LYPD5: variants seen among roughly 807,000 people sequenced by gnomAD.
LYPD5 encodes LY6/PLAUR domain containing 5, also known as ly6/PLAUR domain-containing protein 5.
In LYPD5, 21 loss-of-function variants were observed where a neutral mutation model predicts 19.1. That is an observed-to-expected ratio of 1.10 (90% CI 0.78 to 1.58). The LOEUF (loss-of-function observed/expected upper bound fraction) is 1.58, where lower values mean the gene tolerates loss of function less well. Among genes scored for constraint, LYPD5 ranks in the 40% most tolerant of loss-of-function variants. The pLI is 0.00. For missense variants in LYPD5, 287 were observed against 329.8 expected (o/e 0.87, Z 1.00); for synonymous variants, 128 against 142.7 (o/e 0.90, Z 0.74).
intron 2 of LYPD5, 53 bp downstream of exon 2, chr19:43,799,653 C>G: frequency 6.4e-7 from 1 of 1,556,746 alleles, no homozygotes; most frequent in Non-Finnish European, 8.7e-7. Flanking sequence ...TCCCCTCTCC[C>G]CCCTTTTTCC....
chr19:43,812,928 C>T (rs532049480), intron 1 of LYPD5, among the ~76,000 whole-genome samples: 18 of 152,338 alleles, frequency 1.2e-4, no homozygotes, highest in African/African-American at 4.1e-4. Flanking sequence ...ACATGGCACA[C>T]TGGCGGGAGT....
At position 43,797,880 on chromosome 19, in the gene LYPD5, G is replaced by A. The variant is rs1353084714; in HGVS notation, c.518-51C>T. 6 of 1,391,044 alleles carry A rather than the reference G, an allele frequency of 4.3e-6. No homozygotes were observed. The African/African-American group carries it at 8.5e-5, about 20-fold the overall frequency. 86.2% of individuals were successfully genotyped at this position (1,391,044 alleles called of 1,614,324 possible). A position where few individuals can be genotyped will look rare whatever the true frequency, so the allele number is the denominator to read the frequency against. On this transcript the variant is annotated intron_variant, in intron 4 of 4. Transcript: ENST00000377950. ...ACGGTCAGAACTGAGGGAGACAGCT[G>A]CACCTGAACCTTCACCTTGGTAGCT... is the stretch of plus-strand genomic sequence containing the variant.
intron 1 of LYPD5, among the ~76,000 whole-genome samples, chr19:43,813,318 C>CTG (rs1413886986): frequency 6.6e-6 from 1 of 151,930 alleles, no homozygotes; most frequent in African/African-American, 2.4e-5. Flanking sequence ...CACCGTCTCT[C>CTG]TCTCGCTCTC....
At chr19:43,813,745 T>C (rs1011577287) in intron 1 of LYPD5, among the ~76,000 whole-genome samples, 4 of 152,226 alleles carry the variant, frequency 2.6e-5, no homozygotes, top group African/African-American at 7.2e-5. Context: ...TGGAGCGCAG[T>C]GGTGCAATCT....
At chr19:43,798,364 T>C in intron 4 of LYPD5, 91 bp downstream of exon 4, 1 of 1,477,740 alleles carries the variant, frequency 6.8e-7, no homozygotes, top group African/African-American at 1.4e-5. Flanking sequence ...GGGCCATGTC[T>C]CCCTGTTGGG....
chr19:43,817,549 T>A (rs1302526306), intron 1 of LYPD5, among the ~76,000 whole-genome samples: 1 of 152,036 alleles, frequency 6.6e-6, no homozygotes, highest in Non-Finnish European at 1.5e-5. Flanking sequence ...CTAGCTTCAG[T>A]CATGCAGGTT....
chr19:43,819,447 G>T (rs1970401830), intron 1 of LYPD5, among the ~76,000 whole-genome samples: 1 of 151,932 alleles, frequency 6.6e-6, no homozygotes, highest in Non-Finnish European at 1.5e-5. Flanking sequence ...AGTTCTAGCG[G>T]GTTACAGTGA....
At chr19:43,814,057 T>C (rs1321380841) in intron 1 of LYPD5, among the ~76,000 whole-genome samples, 2 of 152,082 alleles carry the variant, frequency 1.3e-5, no homozygotes, top group African/African-American at 4.8e-5. Flanking sequence ...CGCCCATAAA[T>C]GTATCCACAT....
At chr19:43,813,727 G>A (rs1970345765) in intron 1 of LYPD5, among the ~76,000 whole-genome samples, 2 of 152,144 alleles carry the variant, frequency 1.3e-5, no homozygotes, top group African/African-American at 4.8e-5. Flanking sequence ...TCATTCTGTT[G>A]CCCAGGCTGG....
At chr19:43,819,867 T>C (rs931518287) in intron 1 of LYPD5, among the ~76,000 whole-genome samples, 2 of 152,194 alleles carry the variant, frequency 1.3e-5, no homozygotes, top group African/African-American at 4.8e-5. Flanking sequence ...GGGAGACTGA[T>C]GGCCTTGGGA....
In LYPD5 at chr19:43,797,523, T is replaced by C. The variant is rs1201992081; in HGVS notation, c.*68A>G. On this transcript the variant is annotated 3_prime_UTR_variant, in exon 5 of 5. Coordinates refer to ENST00000377950, the MANE Select transcript of LYPD5 (RefSeq NM_001031749.3). ...TTTAACATCATTTTCCAGTGAGCTA[T>C]GTGATAGGGGCTGAAGCAGCAAGAA... is the stretch of plus-strand genomic sequence containing the variant. 8.2e-7 allele frequency: 1 copy of C among 1,215,392 alleles called. No homozygotes were observed. Among genetic ancestry groups the C allele is most frequent in the Non-Finnish European group, 1.2e-6 (1 of 855,762 alleles). The allele number at this position is 1,215,392 out of a possible 1,614,324, so 75.3% of individuals were successfully genotyped here.
At chr19:43,819,787 T>C (rs1970404152) in intron 1 of LYPD5, among the ~76,000 whole-genome samples, 1 of 152,112 alleles carries the variant, frequency 6.6e-6, no homozygotes, top group Non-Finnish European at 1.5e-5. Context: ...AACTTGTTTC[T>C]CCAGCTAGCG....
intron 1 of LYPD5, among the ~76,000 whole-genome samples, chr19:43,817,415 A>G (rs1434743134): frequency 6.6e-6 from 1 of 152,232 alleles, no homozygotes; most frequent in African/African-American, 2.4e-5. Flanking sequence ...GCACATTCCC[A>G]GATTCAAGGA....
intron 1 of LYPD5, among the ~76,000 whole-genome samples, chr19:43,819,219 T>C (rs542154230): frequency 3.3e-5 from 5 of 152,018 alleles, no homozygotes; most frequent in African/African-American, 9.7e-5. Context: ...TCTATTATTC[T>C]GTGTTCTAAC....
Position 43,797,740 on chromosome 19 carries a change from G to A in LYPD5, c.607C>T (p.Leu203Phe). 1 of 1,613,972 alleles carries A rather than the reference G, an allele frequency of 6.2e-7. No individual in the cohort carries two copies. The highest frequency in any genetic ancestry group is 1.7e-5 in the Admixed American group (1 of 60,010). ...GTTSPWTAIDLQGSCCEGYLC... is the reference protein window; with the variant it reads ...GTTSPWTAIDFQGSCCEGYLC... The stretch of plus-strand genomic sequence containing the variant: ...TACCCCTCACAGCAGGAGCCCTGGA[G>A]GTCGATGGCTGTCCAGGGGCTGGTG... The change falls in exon 5 of 5, where the codon CTC becomes TTC. Residue 203 changes from leucine to phenylalanine, a missense_variant. Leu to Phe is a conservative substitution (Grantham distance 22, BLOSUM62 0). Transcript: ENST00000377950.
chr19:43,800,716 C>A, intron 1 of LYPD5, among the ~76,000 whole-genome samples: 1 of 152,274 alleles, frequency 6.6e-6, no homozygotes, highest in Non-Finnish European at 1.5e-5. Flanking sequence ...AATCCCAGCA[C>A]TTTGGGAGGC....
chr19:43,810,590 T>A (rs1419906458), intron 1 of LYPD5, among the ~76,000 whole-genome samples: 1 of 100,892 alleles, frequency 9.9e-6, no homozygotes, highest in African/African-American at 3.8e-5. Context: ...CTTCCCCTCC[T>A]CTCCCCTTTC....
At chr19:43,800,963 CA>C (rs11354228) in intron 1 of LYPD5, among the ~76,000 whole-genome samples, 71,754 of 118,846 alleles carry the variant, frequency 0.6, 20,644 homozygotes, top group East Asian at 0.81. Context: ...GACTCTGTCT[CA>C]AAAAAAAAAA....
Position 43,796,587 on chromosome 19 carries a change from G to A in LYPD5, c.*1004C>T, listed in dbSNP as rs921536929. The A allele has an allele frequency of 3.3e-5, 5 of 152,186 alleles. No homozygotes were observed. The highest frequency in any genetic ancestry group is 1.9e-4 in the East Asian group (1 of 5,194). The allele number at this position is 152,186 out of a possible 1,614,324, so 9.4% of individuals were successfully genotyped here. A position where few individuals can be genotyped will look rare whatever the true frequency, so the allele number is the denominator to read the frequency against. ...TTTATAGCTTGGAGAATTTCACCTC[G>A]CTGAACTTTGCCTTGTGTGTTTTTC... On this transcript the variant is annotated 3_prime_UTR_variant, in exon 5 of 5. Transcript: ENST00000377950.
Sources: allele counts gnomAD v4.1 joint callset (sites outside exome capture counted in the v4.1 genomes callset), GRCh38; gene constraint gnomAD v4.1.1; transcripts MANE v1.5; gene names NCBI Gene and HGNC (gene_info 2026-07-23, HGNC 2026-07-21).